Variants in USP25 observed in about 807,000 individuals in gnomAD.
The protein encoded by USP25 is ubiquitin specific peptidase 25, also known as ubiquitin carboxyl-terminal hydrolase 25.
Under a neutral mutation model 158.5 loss-of-function variants are expected in USP25, and 85 were observed. That is an observed-to-expected ratio of 0.54 (90% CI 0.45 to 0.64). The LOEUF (loss-of-function observed/expected upper bound fraction) is 0.64, where lower values mean the gene tolerates loss of function less well. Among genes scored for constraint, USP25 ranks in the 30% least tolerant of loss-of-function variants. USP25 has a pLI of 0.00. For synonymous variants in USP25, 464 were observed against 460.4 expected, an observed-to-expected ratio of 1.01 and a Z score of -0.10; for missense variants, 1,242 against 1,327.3, an observed-to-expected ratio of 0.94 and a Z score of 1.00.
intron 1 of USP25, among the ~76,000 whole-genome samples, chr21:15,762,110 T>A: frequency 7.4e-6 from 1 of 135,126 alleles, no homozygotes; most frequent in South Asian, 2.2e-4. Flanking sequence ...ATTGCTGAGA[T>A]AAATGTGAAA....
intron 20 of USP25, among the ~76,000 whole-genome samples, chr21:15,853,007 G>A (rs2038957480): frequency 6.6e-6 from 1 of 152,122 alleles, no homozygotes; most frequent in Admixed American, 6.5e-5. Flanking sequence ...TATACAAAAT[G>A]CAGTTGTATT....
In USP25 at chr21:15,730,260, G is replaced by T; in HGVS notation, c.-134G>T. 1.1e-6 allele frequency: 1 copy of T among 941,068 alleles called. No homozygotes were observed. Among genetic ancestry groups the T allele is most frequent in the Middle Eastern group, 5.4e-4 (1 of 1,848 alleles). The allele number at this position is 941,068 out of a possible 1,614,324, so 58.3% of individuals were successfully genotyped here. ...GCCGGCCGCCATCGCCTTCGCGCCT[G>T]GCTGGCGGGGGCGCTGTCCTCCCAG... On this transcript the variant is annotated 5_prime_UTR_variant, in exon 1 of 26. Transcript: ENST00000400183.
At chr21:15,742,176 A>G (rs2032121291) in intron 1 of USP25, among the ~76,000 whole-genome samples, 1 of 149,868 alleles carries the variant, frequency 6.7e-6, no homozygotes, top group South Asian at 2.1e-4. Flanking sequence ...GAATTGGAAA[A>G]CCCCCACTAT....
At chr21:15,824,016 G>T (rs1358144918) in intron 10 of USP25, 23 bp from the exon 11 acceptor site, 1 of 1,602,662 alleles carries the variant, frequency 6.2e-7, no homozygotes, top group Admixed American at 1.7e-5. Flanking sequence ...TAAAGTTTTT[G>T]TTATTGTTTT....
At position 15,843,722 on chromosome 21, in the gene USP25, A is replaced by G. The variant is rs531825343; in HGVS notation, c.2337+1182A>G. On this transcript the variant is annotated intron_variant, in intron 18 of 25. Transcript: ENST00000400183. The surrounding 1 kb of genome is among the most constrained non-coding windows in gnomAD (Gnocchi z 4.0). ...GGATGTCTGCTTCTTGGGTGATGGT[A>G]AGAGGAAAACCTAGGGAAGGAGAAA... Among the ~76,000 whole-genome samples, 1 of 152,268 alleles carries G rather than the reference A, an allele frequency of 6.6e-6. No homozygotes were observed. The highest frequency in any genetic ancestry group is 1.9e-4 in the East Asian group (1 of 5,174).
At chr21:15,873,265 G>T (rs116995684) in intron 23 of USP25, among the ~76,000 whole-genome samples, 1,817 of 150,556 alleles carry the variant, frequency 0.012, 21 homozygotes, top group Middle Eastern at 0.021. Context: ...CATGTACCAC[G>T]ATGCCCAGCT....
chr21:15,742,725 A>G (rs1441804573), intron 1 of USP25, among the ~76,000 whole-genome samples: 1 of 152,200 alleles, frequency 6.6e-6, no homozygotes, highest in Non-Finnish European at 1.5e-5. Context: ...ACAAGATTTT[A>G]TCGGTGCCAC....
chr21:15,761,600 C>G (rs1276718087), intron 1 of USP25, among the ~76,000 whole-genome samples: 2 of 152,206 alleles, frequency 1.3e-5, no homozygotes, highest in Non-Finnish European at 2.9e-5. Flanking sequence ...CTTAAGTGAG[C>G]ACATGCACAA....
chr21:15,835,876 C>G (rs2038041301), intron 17 of USP25, among the ~76,000 whole-genome samples: 1 of 152,076 alleles, frequency 6.6e-6, no homozygotes, highest in Non-Finnish European at 1.5e-5. Flanking sequence ...TTACTGTTAT[C>G]TTTGAGATTA....
intron 1 of USP25, among the ~76,000 whole-genome samples, chr21:15,736,475 TG>T (rs1204858827): frequency 6.6e-6 from 1 of 152,186 alleles, no homozygotes; most frequent in Non-Finnish European, 1.5e-5. Flanking sequence ...ATCTTTTTAT[TG>T]TCATCTGATT....
At chr21:15,735,946 T>C (rs920258269) in intron 1 of USP25, among the ~76,000 whole-genome samples, 2 of 151,766 alleles carry the variant, frequency 1.3e-5, no homozygotes, top group Admixed American at 6.6e-5. Flanking sequence ...TTTATTGGTC[T>C]AAAGTTTTGT....
chr21:15,799,525 A>G, intron 5 of USP25: 1 of 328,424 alleles, frequency 3.0e-6, no homozygotes, highest in Non-Finnish European at 5.7e-6. Flanking sequence ...TGAGTAGTAT[A>G]TTTAAAAAGT....
In USP25 at chr21:15,733,046, G is replaced by T. The variant is rs940495893; in HGVS notation, c.45+2608G>T. 2.8e-5 allele frequency among the ~76,000 whole-genome samples: 4 copies of T among 141,740 alleles called. No individual in the cohort carries two copies. In the East Asian group the frequency reaches 8.8e-4, roughly 31 times the overall value. The allele number at this position is 141,740 out of a possible 152,430, so 93.0% of individuals were successfully genotyped here. On this transcript the variant is annotated intron_variant, in intron 1 of 25. Coordinates refer to ENST00000400183, the MANE Select transcript of USP25 (RefSeq NM_001283041.3). ...TTGGACATATATCTTCAGCCTTTGT[G>T]CTTCATGTTTACCAAAGTGTAGGAG... is the stretch of plus-strand genomic sequence containing the variant.
intron 6 of USP25, among the ~76,000 whole-genome samples, chr21:15,804,374 A>G (rs1032674798): frequency 2.6e-5 from 4 of 151,410 alleles, no homozygotes; most frequent in Non-Finnish European, 4.4e-5. Flanking sequence ...TAATTATTAA[A>G]TTAATAAAAT....
At chr21:15,824,328 G>T (rs1175805008) in intron 11 of USP25, among the ~76,000 whole-genome samples, 162 bp downstream of exon 11, 1 of 152,040 alleles carries the variant, frequency 6.6e-6, no homozygotes, top group Non-Finnish European at 1.5e-5. Context: ...CTTTGTATTA[G>T]AAAAGTATAG....
At chr21:15,873,951 C>A (rs1040085207) in intron 23 of USP25, among the ~76,000 whole-genome samples, 1 of 150,320 alleles carries the variant, frequency 6.7e-6, no homozygotes, top group Admixed American at 6.6e-5. Context: ...CTAAAACTGT[C>A]TGCACATAGA....
chr21:15,778,003 C>G lies in USP25; in HGVS notation c.368C>G (p.Thr123Ser), dbSNP rs752277121. 1 of 1,609,952 alleles carries G rather than the reference C, an allele frequency of 6.2e-7. No individual in the cohort carries two copies. The highest frequency in any genetic ancestry group is 2.2e-5 in the East Asian group (1 of 44,684). The part of the protein sequence containing the change: ...SNRAFRETGI[T>S]DEEQAISRVL... ...AGGGCATTCAGGGAGACTGGAATAA[C>G]TGATGAGGAACAAGCCATTAGCAGG... The change falls in exon 4 of 26, where the codon ACT (threonine) becomes AGT (serine). Residue 123 changes from threonine (T) to serine (S), a missense_variant. Thr to Ser is a moderately conservative substitution (Grantham distance 58). This residue lies in a region of USP25 where 627 missense variants were observed against 701.4 expected (regional missense o/e 0.89). Transcript: ENST00000400183.
At chr21:15,866,452 TA>T in intron 22 of USP25, 108 bp downstream of exon 22, 3 of 700,046 alleles carry the variant, frequency 4.3e-6, no homozygotes, top group Non-Finnish European at 6.4e-6. Context: ...GAATGATGAG[TA>T]AAAAAATTAA....
At chr21:15,819,614 T>C (rs1160219407) in intron 10 of USP25, among the ~76,000 whole-genome samples, 2 of 152,178 alleles carry the variant, frequency 1.3e-5, no homozygotes, top group African/African-American at 4.8e-5. Context: ...GGTAACTGCA[T>C]ACATAATACT....
Sources: gnomAD v4.1 joint callset for allele counts (sites outside exome capture counted in the v4.1 genomes callset) on GRCh38, gnomAD v4.1.1 for gene constraint, gnomAD v4.1.1 regional missense constraint, Gnocchi (gnomAD v3.1) non-coding constraint, MANE v1.5 for transcripts, NCBI Gene and HGNC (gene_info 2026-07-23, HGNC 2026-07-21) for gene names.